The following CDH26 variants were observed in gnomAD, a reference collection of about 807,000 sequenced individuals.
CDH26 encodes the protein cadherin-like protein 26.
A neutral mutation model predicts 90.3 loss-of-function variants in CDH26; 83 were observed. The observed-to-expected ratio is 0.92, with a 90% CI of 0.77 to 1.10. The LOEUF is 1.10. Ranked by LOEUF, CDH26 falls within the 50% of genes least tolerant of loss-of-function variation. The pLI, the probability that CDH26 is intolerant of heterozygous loss-of-function variation, is 0.00. For missense variants in CDH26, 1,013 were observed against 1,037.6 expected (o/e 0.98, Z 0.33); for synonymous variants, 397 against 396.3 (o/e 1.00, Z -0.02).
chr20:59,985,846 A>G (rs2061451888), intron 7 of CDH26, among the ~76,000 whole-genome samples: 1 of 152,202 alleles, frequency 6.6e-6, no homozygotes, highest in African/African-American at 2.4e-5. Flanking sequence ...GATTATTGAA[A>G]CTACAACACG....
At position 59,996,624 on chromosome 20, in the gene CDH26, A is replaced by G. The variant is rs376166688; in HGVS notation, c.1889-7A>G. 6.4e-5 allele frequency: 104 copies of G among 1,614,084 alleles called. No homozygotes were observed. Among genetic ancestry groups the G allele is most frequent in the Non-Finnish European group, 6.9e-5 (82 of 1,180,054 alleles). ...CTAATCTGTTTTTCCCCTTTGTCTT[A>G]TAACAGTGGCTCTGCTTTTTCTGTT... On this transcript the variant is annotated splice_region_variant and splice_polypyrimidine_tract_variant and intron_variant, in intron 12 of 17. Coordinates refer to ENST00000348616, the MANE Select transcript of CDH26 (RefSeq NM_177980.4).
chr20:59,966,454 T>G (rs1005681842), intron 1 of CDH26, among the ~76,000 whole-genome samples: 1 of 152,240 alleles, frequency 6.6e-6, no homozygotes, highest in African/African-American at 2.4e-5. Flanking sequence ...CTCAAGCGAT[T>G]ACAGTAATTG....
chr20:60,009,568 G>T (rs1013486268), intron 17 of CDH26, among the ~76,000 whole-genome samples: 5 of 152,186 alleles, frequency 3.3e-5, no homozygotes, highest in Non-Finnish European at 7.3e-5. Context: ...CCTCTGCGGG[G>T]CAGGGAGGCA....
At chr20:60,025,875 A>G (rs576860103) in intron 7 of CDH26, among the ~76,000 whole-genome samples, 1 of 152,332 alleles carries the variant, frequency 6.6e-6, no homozygotes, top group Admixed American at 6.5e-5. Flanking sequence ...AGAGTCTGAA[A>G]ATACAATAAA....
intron 7 of CDH26, among the ~76,000 whole-genome samples, chr20:59,986,625 A>G (rs1463353950): frequency 7.4e-6 from 1 of 135,186 alleles, no homozygotes; most frequent in Non-Finnish European, 1.5e-5. Context: ...CTACACACAC[A>G]CACACACACA....
At chr20:59,977,946 G>A (rs1477766737) in intron 4 of CDH26, among the ~76,000 whole-genome samples, 3 of 152,110 alleles carry the variant, frequency 2.0e-5, no homozygotes, top group African/African-American at 7.2e-5. Context: ...AGAACCCCTG[G>A]CAACCACTGG....
Position 59,994,324 on chromosome 20 carries a change from C to A in CDH26, c.1501C>A (p.Arg501=), listed in dbSNP as rs755519740. The A allele has an allele frequency of 6.2e-7, 1 of 1,614,010 alleles. No individual in the cohort carries two copies. Among genetic ancestry groups the A allele is most frequent in the East Asian group, 2.2e-5 (1 of 44,854 alleles). Residue 501 remains arginine (R), a synonymous_variant, in exon 11 of 18, where the codon CGG becomes AGG. Transcript: ENST00000348616. ...CATCAATGACAACGTCCCGACTCTC[C>A]GGCCACGTTCCCGCTACATGGAGGT... ...SDINDNVPTL[R]PRSRYMEVCE...
chr20:60,005,868 C>G (rs530499717), intron 16 of CDH26, among the ~76,000 whole-genome samples: 5 of 152,262 alleles, frequency 3.3e-5, no homozygotes, highest in Admixed American at 3.3e-4. Context: ...TTGCTCTGAG[C>G]CTCCCCCCAC....
In CDH26 at chr20:59,995,871, C is replaced by T. The variant is rs533516376; in HGVS notation, c.1705C>T (p.Arg569Cys). 8.3e-5 allele frequency: 134 copies of T among 1,614,212 alleles called. No homozygotes were observed. Among genetic ancestry groups the T allele is most frequent in the East Asian group, 8.9e-5 (4 of 44,884 alleles). Residue 569 changes from arginine (R) to cysteine (C), a missense_variant, in exon 12 of 18, where the codon CGT becomes TGT. Coordinates refer to ENST00000348616, the MANE Select transcript of CDH26 (RefSeq NM_177980.4). ...VELLTLRSLP[R>C]GNYLVPLFIG... The stretch of plus-strand genomic sequence containing the variant: ...ACTTTTAACCTTGAGAAGCCTGCCA[C>T]GTGGTAATTACTTGGTGCCACTCTT...
intron 16 of CDH26, 24 bp downstream of exon 16, chr20:60,002,890 C>A: frequency 6.7e-7 from 1 of 1,500,068 alleles, no homozygotes; most frequent in Non-Finnish European, 9.0e-7. Flanking sequence ...TAGGTGTTAC[C>A]GTGAACAAAT....
intron 7 of CDH26, chr20:60,031,114 T>C: frequency 2.0e-6 from 2 of 1,000,272 alleles, no homozygotes; most frequent in Non-Finnish European, 2.4e-6. Flanking sequence ...TTCCTGATGT[T>C]GCCATGGCAT....
chr20:59,985,097 A>G lies in CDH26; in HGVS notation c.805A>G (p.Asn269Asp), dbSNP rs375280249. 1 of 1,614,014 alleles carries G rather than the reference A, an allele frequency of 6.2e-7. No homozygotes were observed. The highest frequency in any genetic ancestry group is 8.5e-7 in the Non-Finnish European group (1 of 1,179,982). The part of the protein sequence containing the change: ...TTVHVDVQEG[N>D]NHRPAFTQEN... ...CGTTCACGTGGATGTGCAAGAAGGC[A>G]ACAACCACAGGCCTGCATTTACCCA... Residue 269 changes from asparagine (N) to aspartate (D), a missense_variant, in exon 7 of 18, where the codon AAC becomes GAC. Transcript: ENST00000348616.
chr20:59,997,584 G>A (rs2061615999), intron 13 of CDH26, among the ~76,000 whole-genome samples: 1 of 152,228 alleles, frequency 6.6e-6, no homozygotes, highest in Non-Finnish European at 1.5e-5. Context: ...CAGCAACCCT[G>A]GGCTGGGGTT....
chr20:59,974,662 A>T (rs2061306466), intron 4 of CDH26, among the ~76,000 whole-genome samples: 1 of 152,306 alleles, frequency 6.6e-6, no homozygotes, highest in Non-Finnish European at 1.5e-5. Context: ...CTGATCCCCC[A>T]AACATTGACC....
chr20:60,030,615 T>C lies in CDH26; in HGVS notation c.948-616T>C, dbSNP rs763823304. On this transcript the variant is annotated intron_variant, in intron 7 of 8. Coordinates refer to the CDH26 transcript ENST00000370991. The surrounding 1 kb of genome is among the most constrained non-coding windows in gnomAD (Gnocchi z 4.0). Reference sequence around the variant, plus strand: ...TTTACCCAAACTGAGCCAGTGAGAGTGGGGCCCAGGGTCTTTCCAACTCTT... The same window carrying C: ...TTTACCCAAACTGAGCCAGTGAGAGCGGGGCCCAGGGTCTTTCCAACTCTT... 2.6e-5 allele frequency among the ~76,000 whole-genome samples: 4 copies of C among 151,870 alleles called. No individual in the cohort carries two copies. The highest frequency in any genetic ancestry group is 5.9e-5 in the Non-Finnish European group (4 of 67,990).
At chr20:59,989,842 G>C (rs2061506827) in intron 9 of CDH26, among the ~76,000 whole-genome samples, 2 of 152,170 alleles carry the variant, frequency 1.3e-5, no homozygotes, top group African/African-American at 2.4e-5. Context: ...GGCAAGAAAA[G>C]TGAGGGTTTT....
chr20:59,983,958 G>GT (rs2061424217), intron 5 of CDH26, among the ~76,000 whole-genome samples: 1 of 152,060 alleles, frequency 6.6e-6, no homozygotes, highest in Non-Finnish European at 1.5e-5. Flanking sequence ...GAACATTTAT[G>GT]TTTTTTTGCC....
intron 17 of CDH26, among the ~76,000 whole-genome samples, chr20:60,007,963 T>G (rs1601196642): frequency 6.6e-6 from 1 of 152,222 alleles, no homozygotes; most frequent in African/African-American, 2.4e-5. Context: ...CTGGGAAGAT[T>G]AGAAAGCAGC....
chr20:59,992,463 G>A lies in CDH26; in HGVS notation c.1369G>A (p.Glu457Lys), dbSNP rs748956196. The A allele has an allele frequency of 6.2e-7, 1 of 1,614,052 alleles. No homozygotes were observed. Among genetic ancestry groups the A allele is most frequent in the South Asian group, 1.1e-5 (1 of 91,080 alleles). Residue 457 changes from glutamate to lysine, a missense_variant, in exon 10 of 18, where the codon GAA (glutamate) becomes AAA (lysine). Transcript: ENST00000348616. This position sits in a 1 kb window ranked among gnomAD's most constrained non-coding sequence, Gnocchi z 5.0. ...VVITVEPIDR[E>K]SPHVNNSFYV... ...CATCACCGTGGAGCCAATTGACCGAGAATCCCCTCATGTAAATAACAGTTT... is the reference window on the plus strand; with the variant it reads ...CATCACCGTGGAGCCAATTGACCGAAAATCCCCTCATGTAAATAACAGTTT...
Sources: gnomAD v4.1 joint callset for allele counts (sites outside exome capture counted in the v4.1 genomes callset) on GRCh38, gnomAD v4.1.1 for gene constraint, Gnocchi (gnomAD v3.1) non-coding constraint, MANE v1.5 for transcripts, NCBI Gene and HGNC (gene_info 2026-07-23, HGNC 2026-07-21) for gene names.